GREM2: variants seen among roughly 807,000 people sequenced by gnomAD.
GREM2 encodes gremlin-2.
A neutral mutation model predicts 14.2 loss-of-function variants in GREM2; 11 were observed. The ratio of observed to expected loss-of-function variants is 0.78; its 90% CI spans 0.49 to 1.28. GREM2 has a LOEUF of 1.28. Ranked by LOEUF, GREM2 falls within the 50% of genes most tolerant of loss-of-function variation. GREM2 has a pLI of 0.00. For synonymous variants in GREM2, 98 were observed against 97.6 expected (o/e 1.00, Z -0.02); for missense variants, 210 against 218.5 (o/e 0.96, Z 0.24).
intron 1 of GREM2, among the ~76,000 whole-genome samples, chr1:240,500,970 G>A (rs985254206): frequency 6.6e-6 from 1 of 152,100 alleles, no homozygotes; most frequent in African/African-American, 2.4e-5. Context: ...TTTCCCCTGG[G>A]TAATATGTGA....
At chr1:240,562,800 AGTGTGTATGTGT>A (rs1167207169) in intron 1 of GREM2, among the ~76,000 whole-genome samples, 1 of 143,740 alleles carries the variant, frequency 7.0e-6, no homozygotes, top group Non-Finnish European at 1.5e-5. Context: ...TGTGTATGTG[AGTGTGTATGTGT>A]GTATTGTGTA....
At chr1:240,521,331 G>A (rs1288263637) in intron 1 of GREM2, among the ~76,000 whole-genome samples, 15 of 152,280 alleles carry the variant, frequency 9.9e-5, no homozygotes, top group East Asian at 1.9e-4. Flanking sequence ...CACTTTAGCA[G>A]GCCGAAGTGG....
chr1:240,598,225 G>A (rs1376793093), intron 1 of GREM2, among the ~76,000 whole-genome samples: 1 of 152,200 alleles, frequency 6.6e-6, no homozygotes, highest in East Asian at 1.9e-4. Context: ...ACACTTTCTT[G>A]TTGTCGTTAA....
intron 1 of GREM2, among the ~76,000 whole-genome samples, chr1:240,537,365 C>A (rs1168089113): frequency 6.6e-6 from 1 of 152,016 alleles, no homozygotes; most frequent in Non-Finnish European, 1.5e-5. Context: ...GAATTCCTGC[C>A]TGGTAGCCTC....
At chr1:240,499,885 C>G (rs1677527753) in intron 1 of GREM2, among the ~76,000 whole-genome samples, 1 of 152,180 alleles carries the variant, frequency 6.6e-6, no homozygotes, top group Admixed American at 6.5e-5. Flanking sequence ...GAATATAATG[C>G]CCATGGTCTA....
rs564139363 is a variant in GREM2, at chr1:240,568,542, G to T, written c.-2+43342C>A. Among the ~76,000 whole-genome samples the T allele has an allele frequency of 2.0e-5, 3 of 152,182 alleles. 1 individual carries two copies. The South Asian group carries it at 6.2e-4, about 32-fold the overall frequency. On this transcript the variant is annotated intron_variant, in intron 1 of 1. Coordinates refer to ENST00000318160, the MANE Select transcript of GREM2 (RefSeq NM_022469.4). ...GCTCCTTAAAAGAAAGATCTTTCTA[G>T]ATTGGATTAAAAAAAGTATATGCCA...
Position 240,492,771 on chromosome 1 carries a change from G to T in GREM2, c.*198C>A. ...GGGGCACAGGTGGGACCCGGGGTCG[G>T]TCAGGAACACATCAGCAAAAGCTCC... On this transcript the variant is annotated 3_prime_UTR_variant, in exon 2 of 2. Coordinates refer to ENST00000318160, the MANE Select transcript of GREM2 (RefSeq NM_022469.4). 2.1e-6 allele frequency: 1 copy of T among 472,152 alleles called. No individual in the cohort carries two copies. Among genetic ancestry groups the T allele is most frequent in the Non-Finnish European group, 3.3e-6 (1 of 303,520 alleles). 29.2% of individuals were successfully genotyped at this position (472,152 alleles called of 1,614,324 possible).
rs58188904 is a variant in GREM2 at position 240,553,419 on chromosome 1, T to C, written c.-2+58465A>G. Among the ~76,000 whole-genome samples the C allele has an allele frequency of 3.2e-3, 484 of 152,292 alleles. 1 individual carries two copies. The highest frequency in any genetic ancestry group is 0.011 in the African/African-American group (459 of 41,566). On this transcript the variant is annotated intron_variant, in intron 1 of 1. Transcript: ENST00000318160. Reference sequence around the variant, plus strand: ...AAGAGTCAAGTTATACAAATTTCTTTTGATATCCTCACTCATGGTCCCTAC... The same window carrying C: ...AAGAGTCAAGTTATACAAATTTCTTCTGATATCCTCACTCATGGTCCCTAC...
At chr1:240,580,641 C>CA (rs1469731605) in intron 1 of GREM2, among the ~76,000 whole-genome samples, 1 of 152,158 alleles carries the variant, frequency 6.6e-6, no homozygotes, top group African/African-American at 2.4e-5. Flanking sequence ...GTGGCACAAT[C>CA]ATAGCTCACT....
rs79133922 is a variant in GREM2, at chr1:240,542,345, G to A, written c.-1-48869C>T. On this transcript the variant is annotated intron_variant, in intron 1 of 1. Coordinates refer to ENST00000318160, the MANE Select transcript of GREM2 (RefSeq NM_022469.4). The surrounding 1 kb of genome is among the most constrained non-coding windows in gnomAD (Gnocchi z 4.1). ...CCGGGCACGGTGGCTCACGGCTCAC[G>A]TCTAATCCCAGTACTTTGGGAGGCC... 0.052 allele frequency among the ~76,000 whole-genome samples: 7,823 copies of A among 151,318 alleles called. 274 individuals are homozygous for A. The highest frequency in any genetic ancestry group is 0.097 in the Middle Eastern group (28 of 288).
intron 1 of GREM2, among the ~76,000 whole-genome samples, chr1:240,541,226 C>T (rs1678579720): frequency 6.6e-6 from 1 of 152,142 alleles, no homozygotes; most frequent in African/African-American, 2.4e-5. Flanking sequence ...GGCCTCAGAA[C>T]TAGGGAGAGG....
At position 240,509,131 on chromosome 1, in the gene GREM2, G is replaced by C. The variant is rs544153793; in HGVS notation, c.-1-15655C>G. ...TGATTTGTGACAGGAAGATGTGAGG[G>C]AGAGGATTTGAAAGTAATTGTGACA... On this transcript the variant is annotated intron_variant, in intron 1 of 1. Transcript: ENST00000318160. 7.9e-4 allele frequency among the ~76,000 whole-genome samples: 120 copies of C among 152,290 alleles called. 1 individual carries two copies. In the Middle Eastern group the frequency reaches 0.024, roughly 30 times the overall value.
intron 1 of GREM2, among the ~76,000 whole-genome samples, chr1:240,520,561 T>C (rs1411928122): frequency 1.3e-5 from 2 of 152,162 alleles, no homozygotes; most frequent in East Asian, 3.9e-4. Flanking sequence ...TCTTTTTTTT[T>C]GAGACAGAGT....
At chr1:240,587,332 G>GA (rs1401113486) in intron 1 of GREM2, among the ~76,000 whole-genome samples, 8 of 150,052 alleles carry the variant, frequency 5.3e-5, no homozygotes, top group East Asian at 3.9e-4. Flanking sequence ...CTTTTTTTTG[G>GA]GGGGGTGGGG....
intron 1 of GREM2, among the ~76,000 whole-genome samples, chr1:240,547,515 ATAT>A (rs1422403803): frequency 0.29 from 18,607 of 63,944 alleles, 1,738 homozygotes; most frequent in South Asian, 0.36. Context: ...AAAAAAAAAA[ATAT>A]ATATATATAT....
intron 1 of GREM2, 118 bp from the exon 2 acceptor site, chr1:240,493,594 A>G (rs1357827406): frequency 3.3e-6 from 4 of 1,199,034 alleles, no homozygotes; most frequent in Non-Finnish European, 4.5e-6. Flanking sequence ...GCTGGAGTGC[A>G]GGGGCACGTA....
intron 1 of GREM2, among the ~76,000 whole-genome samples, chr1:240,551,538 G>A (rs1323559260): frequency 6.6e-6 from 1 of 151,964 alleles, no homozygotes; most frequent in African/African-American, 2.4e-5. Context: ...TAGTAGAGAC[G>A]GGGTTTCACA....
At chr1:240,503,871 G>T (rs1035683739) in intron 1 of GREM2, among the ~76,000 whole-genome samples, 1 of 152,104 alleles carries the variant, frequency 6.6e-6, no homozygotes, top group African/African-American at 2.4e-5. Context: ...TCCCCCACTG[G>T]AGTCTAAGTA....
chr1:240,511,612 G>A (rs1046039871), intron 1 of GREM2, among the ~76,000 whole-genome samples: 15 of 152,194 alleles, frequency 9.9e-5, no homozygotes, highest in African/African-American at 3.4e-4. Context: ...AATTAGCCGG[G>A]TGTGGTGGTG....
Sources: allele counts gnomAD v4.1 joint callset (sites outside exome capture counted in the v4.1 genomes callset), GRCh38; gene constraint gnomAD v4.1.1; non-coding constraint Gnocchi (gnomAD v3.1); transcripts MANE v1.5; gene names NCBI Gene and HGNC (gene_info 2026-07-23, HGNC 2026-07-21).